TMEM135: variants seen among roughly 807,000 people sequenced by gnomAD.
TMEM135 encodes transmembrane protein 135.
A neutral mutation model predicts 60.3 loss-of-function variants in TMEM135; 30 were observed. The ratio of observed to expected loss-of-function variants is 0.50; its 90% CI spans 0.37 to 0.68. The LOEUF is 0.68. TMEM135 is among the 30% of genes least tolerant of loss of function. The probability of loss-of-function intolerance (pLI) is 0.00; values close to 1 mark genes in which losing one functional copy is unlikely to be tolerated. For synonymous variants in TMEM135, 190 were observed against 186.7 expected (o/e 1.02, Z -0.14); for missense variants, 468 against 548.8 (o/e 0.85, Z 1.47).
intron 5 of TMEM135, among the ~76,000 whole-genome samples, chr11:87,176,143 G>A (rs993995199): frequency 6.6e-6 from 1 of 152,118 alleles, no homozygotes; most frequent in African/African-American, 2.4e-5. Context: ...GGCCTAATGG[G>A]AGGTGTTTGG....
intron 1 of TMEM135, among the ~76,000 whole-genome samples, chr11:87,053,957 T>C (rs1219967509): frequency 6.6e-6 from 1 of 152,186 alleles, no homozygotes; most frequent in African/African-American, 2.4e-5. Context: ...CTTTGGATAC[T>C]AGGAATATAG....
chr11:87,171,785 C>CG (rs908922789), intron 5 of TMEM135, among the ~76,000 whole-genome samples: 1 of 152,242 alleles, frequency 6.6e-6, no homozygotes, highest in African/African-American at 2.4e-5. Context: ...AATTTTTCCA[C>CG]GGGGGGCTTG....
chr11:87,168,595 T>G (rs576419159), intron 5 of TMEM135, among the ~76,000 whole-genome samples: 1 of 152,334 alleles, frequency 6.6e-6, no homozygotes, highest in Non-Finnish European at 1.5e-5. Flanking sequence ...GTTGTTCAGT[T>G]TCCACTTAGT....
At chr11:87,106,625 G>A (rs1328953407) in intron 4 of TMEM135, among the ~76,000 whole-genome samples, 1 of 152,106 alleles carries the variant, frequency 6.6e-6, no homozygotes, top group Admixed American at 6.6e-5. Flanking sequence ...AAGAGTTTGA[G>A]AAAGATTGGT....
chr11:87,133,439 ATTTG>A (rs748592963), intron 4 of TMEM135, among the ~76,000 whole-genome samples: 1 of 152,080 alleles, frequency 6.6e-6, no homozygotes, highest in African/African-American at 2.4e-5. Context: ...ATTACTGTAG[ATTTG>A]TTTATATTTT....
At chr11:87,170,233 G>A (rs888388492) in intron 5 of TMEM135, among the ~76,000 whole-genome samples, 1 of 152,048 alleles carries the variant, frequency 6.6e-6, no homozygotes, top group African/African-American at 2.4e-5. Context: ...GTTAGAACAT[G>A]CTTCTTTACC....
rs140697644 is a variant in TMEM135 at position 87,125,339 on chromosome 11, A to G, written c.397-32002A>G. 6.1e-3 allele frequency among the ~76,000 whole-genome samples: 930 copies of G among 152,326 alleles called. 8 individuals are homozygous for G. Among genetic ancestry groups the G allele is most frequent in the African/African-American group, 0.02 (830 of 41,580 alleles). On this transcript the variant is annotated intron_variant, in intron 4 of 14. Coordinates refer to ENST00000305494, the MANE Select transcript of TMEM135 (RefSeq NM_022918.4). The stretch of plus-strand genomic sequence containing the variant: ...GAGGTGGAAGTGCTAGGTAGAAAAT[A>G]AGCAGGGTAAGAGTAGTTGTGGGGG...
At chr11:87,135,831 A>G (rs1477416512) in intron 4 of TMEM135, among the ~76,000 whole-genome samples, 2 of 152,110 alleles carry the variant, frequency 1.3e-5, no homozygotes, top group East Asian at 3.9e-4. Flanking sequence ...TTTTGGCAGA[A>G]TTAATTTCTT....
rs775571456 is a variant in TMEM135 at position 87,294,445 on chromosome 11, G to A, written c.510-1337G>A. ...GTTGCCCAGGCTGGAGAGCAATGGC[G>A]CAATCTTGGCTCATTGCAACCTCCG... On this transcript the variant is annotated intron_variant, in intron 6 of 14. Coordinates refer to ENST00000305494, the MANE Select transcript of TMEM135 (RefSeq NM_022918.4). Among the ~76,000 whole-genome samples the A allele has an allele frequency of 7.9e-5, 12 of 152,262 alleles. No individual in the cohort carries two copies. In the South Asian group the frequency reaches 1.0e-3, roughly 13 times the overall value.
At position 87,219,684 on chromosome 11, in the gene TMEM135, G is replaced by C. The variant is rs867771668; in HGVS notation, c.463-16954G>C. On this transcript the variant is annotated intron_variant, in intron 5 of 14. Coordinates refer to ENST00000305494, the MANE Select transcript of TMEM135 (RefSeq NM_022918.4). ...TCAAATACAGGTGCATTGGGGATTAGGGCTTTAACATATGAATTTTTGGGG... is the reference window on the plus strand; with the variant it reads ...TCAAATACAGGTGCATTGGGGATTACGGCTTTAACATATGAATTTTTGGGG... Among the ~76,000 whole-genome samples the C allele has an allele frequency of 1.6e-3, 246 of 152,214 alleles. 1 individual carries two copies. Among genetic ancestry groups the C allele is most frequent in the African/African-American group, 5.6e-3 (232 of 41,530 alleles).
intron 5 of TMEM135, among the ~76,000 whole-genome samples, chr11:87,188,951 A>T (rs1213261057): frequency 6.6e-6 from 1 of 152,124 alleles, no homozygotes; most frequent in Non-Finnish European, 1.5e-5. Context: ...CTTCATAACT[A>T]TAATTATTCC....
intron 4 of TMEM135, among the ~76,000 whole-genome samples, chr11:87,109,164 CTT>C (rs1857677692): frequency 6.6e-6 from 1 of 152,078 alleles, no homozygotes; most frequent in African/African-American, 2.4e-5. Context: ...TATGGAAAAA[CTT>C]TTCAAAATAT....
At chr11:87,279,756 A>G (rs2135419144) in intron 6 of TMEM135, among the ~76,000 whole-genome samples, 1 of 152,322 alleles carries the variant, frequency 6.6e-6, no homozygotes, top group Non-Finnish European at 1.5e-5. Context: ...CTTGGCTTTC[A>G]TCATTCTTCC....
chr11:87,197,700 G>C (rs962566054), intron 5 of TMEM135, among the ~76,000 whole-genome samples: 3 of 151,962 alleles, frequency 2.0e-5, no homozygotes, highest in African/African-American at 7.2e-5. Context: ...ATGAGTCTAA[G>C]TTTAAATCCT....
rs1337385932 is a variant in TMEM135, at chr11:87,326,318, T to C, written c.*4985T>C. 2.2e-6 allele frequency: 1 copy of C among 454,026 alleles called. No homozygotes were observed. The highest frequency in any genetic ancestry group is 2.0e-5 in the African/African-American group (1 of 50,022). 28.1% of individuals were successfully genotyped at this position (454,026 alleles called of 1,614,324 possible). ...TCCATAAAGTAGACCTGTAGACCTA[T>C]GTTGGCTGAGGTCACCCTGCATTAC... On this transcript the variant is annotated 3_prime_UTR_variant, in exon 15 of 15. Transcript: ENST00000305494.
intron 6 of TMEM135, among the ~76,000 whole-genome samples, chr11:87,282,840 T>C (rs184451792): frequency 1.2e-4 from 19 of 152,344 alleles, no homozygotes; most frequent in South Asian, 6.2e-4. Context: ...TCTCTCATGT[T>C]ACTTTTGTTC....
chr11:87,143,848 C>T (rs2135248940), intron 4 of TMEM135, among the ~76,000 whole-genome samples: 1 of 152,260 alleles, frequency 6.6e-6, no homozygotes. Context: ...ATATAGTTTT[C>T]TGCTGTCAGA....
intron 6 of TMEM135, among the ~76,000 whole-genome samples, chr11:87,254,501 T>C (rs1050017431): frequency 5.3e-5 from 8 of 152,312 alleles, no homozygotes; most frequent in Admixed American, 3.9e-4. Flanking sequence ...TCTCTGTGGC[T>C]ATGAAAAGTT....
intron 6 of TMEM135, chr11:87,277,032 A>G (rs1448250277): frequency 6.5e-6 from 1 of 152,740 alleles, no homozygotes; most frequent in Non-Finnish European, 1.5e-5. Flanking sequence ...AAACTGCAGA[A>G]TTTATATTAT....
Sources: allele counts gnomAD v4.1 joint callset (sites outside exome capture counted in the v4.1 genomes callset), GRCh38; gene constraint gnomAD v4.1.1; transcripts MANE v1.5; gene names NCBI Gene and HGNC (gene_info 2026-07-23, HGNC 2026-07-21).